The following METTL15 variants were observed in gnomAD, a reference collection of about 807,000 sequenced individuals.
The protein encoded by METTL15 is methyltransferase 15, mitochondrial 12S rRNA N4-cytidine.
In METTL15, 34 loss-of-function variants were observed where a neutral mutation model predicts 38.3. The ratio of observed to expected loss-of-function variants is 0.89; its 90% confidence interval spans 0.68 to 1.18. The LOEUF is 1.18. Ranked by LOEUF, METTL15 falls within the 50% of genes most tolerant of loss-of-function variation. The probability of loss-of-function intolerance (pLI) is 0.00; values close to 1 mark genes in which losing one functional copy is unlikely to be tolerated. For synonymous variants in METTL15, 162 were observed against 170.9 expected, an observed-to-expected ratio of 0.95 and a Z score of 0.41; for missense variants, 438 against 498.4, an observed-to-expected ratio of 0.88 and a Z score of 1.15.
At chr11:28,194,915 A>G (rs1438306316) in intron 3 of METTL15, among the ~76,000 whole-genome samples, 1 of 151,710 alleles carries the variant, frequency 6.6e-6, no homozygotes, top group Non-Finnish European at 1.5e-5. Context: ...TTATGCACCC[A>G]TAGCTTAGCT....
chr11:28,297,914 T>G (rs1565234692), intron 6 of METTL15, among the ~76,000 whole-genome samples: 1 of 152,120 alleles, frequency 6.6e-6, no homozygotes, highest in East Asian at 1.9e-4. Flanking sequence ...AAGTAAAACT[T>G]AATTATAAAT....
chr11:28,410,532 T>G (rs1173883895), intron 5 of METTL15: 1 of 152,138 alleles, frequency 6.6e-6, no homozygotes. Context: ...CTTGATCATC[T>G]CAATTGACTC....
At chr11:28,395,513 G>T (rs1850558652) in intron 5 of METTL15, among the ~76,000 whole-genome samples, 1 of 152,008 alleles carries the variant, frequency 6.6e-6, no homozygotes, top group Non-Finnish European at 1.5e-5. Context: ...AGAAGAAATG[G>T]TTAAATTCCT....
At chr11:28,482,021 A>C (rs923944423) in intron 6 of METTL15, among the ~76,000 whole-genome samples, 3 of 152,098 alleles carry the variant, frequency 2.0e-5, no homozygotes, top group African/African-American at 4.8e-5. Flanking sequence ...CCTTGTCTGC[A>C]AACTCTCTCA....
chr11:28,389,204 G>T (rs1850474732), intron 5 of METTL15, among the ~76,000 whole-genome samples: 1 of 148,024 alleles, frequency 6.8e-6, no homozygotes, highest in Non-Finnish European at 1.5e-5. Context: ...CCCAATAATG[G>T]GATGGCTGGG....
chr11:28,353,750 C>A (rs976549639), intron 4 of METTL15, among the ~76,000 whole-genome samples: 1 of 151,274 alleles, frequency 6.6e-6, no homozygotes, highest in South Asian at 2.1e-4. Context: ...AAGGTGAAAC[C>A]CCGTCTCTAC....
the METTL15 span, among the ~76,000 whole-genome samples, chr11:28,532,050 T>C: frequency 2.6e-5 from 4 of 152,216 alleles, no homozygotes; most frequent in East Asian, 7.7e-4. Flanking sequence ...TAAAACTATA[T>C]TGTTGCATGT....
At chr11:28,413,899 A>G (rs1850750152) in intron 5 of METTL15, among the ~76,000 whole-genome samples, 1 of 152,202 alleles carries the variant, frequency 6.6e-6, no homozygotes, top group African/African-American at 2.4e-5. Flanking sequence ...CAGATTTTCT[A>G]GAATTTATGT....
At chr11:28,109,921 T>G (rs561453138) in intron 1 of METTL15, among the ~76,000 whole-genome samples, 34 of 152,354 alleles carry the variant, frequency 2.2e-4, no homozygotes, top group Admixed American at 1.4e-3. Context: ...TGTGCCACCT[T>G]GCTCCTTGTA....
At chr11:28,139,376 G>T (rs1032146053) in intron 3 of METTL15, among the ~76,000 whole-genome samples, 1 of 152,078 alleles carries the variant, frequency 6.6e-6, no homozygotes, top group African/African-American at 2.4e-5. Flanking sequence ...TTTTCTCCCA[G>T]GGAATAACCG....
Position 28,332,816 on chromosome 11 carries a change from G to A in METTL15, c.*1975G>A, listed in dbSNP as rs560987794. 2.0e-5 allele frequency: 3 copies of A among 152,122 alleles called. No homozygotes were observed. The highest frequency in any genetic ancestry group is 6.6e-5 in the Admixed American group (1 of 15,264). The allele number at this position is 152,122 out of a possible 1,614,324, so 9.4% of individuals were successfully genotyped here. The stretch of plus-strand genomic sequence containing the variant: ...CTAAAAATAAAATTAGCCATGCGTG[G>A]TGCTTGTAATGTCAGCTACCCAGGA... On this transcript the variant is annotated 3_prime_UTR_variant, in exon 7 of 7. Transcript: ENST00000407364.
intron 4 of METTL15, among the ~76,000 whole-genome samples, chr11:28,361,755 G>A (rs1164083118): frequency 2.6e-5 from 4 of 151,908 alleles, no homozygotes; most frequent in African/African-American, 9.7e-5. Context: ...ACCATTCATG[G>A]ATCCCAAGAG....
the METTL15 span, among the ~76,000 whole-genome samples, chr11:28,532,132 T>A: frequency 2.0e-5 from 3 of 152,112 alleles, no homozygotes; most frequent in Admixed American, 1.3e-4. Context: ...ATTTGTTGGA[T>A]GAAACCATCT....
chr11:28,257,706 A>C (rs1339441945), intron 4 of METTL15, among the ~76,000 whole-genome samples: 1 of 152,020 alleles, frequency 6.6e-6, no homozygotes, highest in African/African-American at 2.4e-5. Context: ...TGCCAATTGC[A>C]TTTTTCAGCT....
intron 4 of METTL15, among the ~76,000 whole-genome samples, chr11:28,361,051 A>C (rs376918891): frequency 6.6e-6 from 1 of 151,572 alleles, no homozygotes; most frequent in Non-Finnish European, 1.5e-5. Flanking sequence ...TCTTAATCCA[A>C]TCTATCATTG....
At position 28,211,105 on chromosome 11, in the gene METTL15, C is replaced by G. The variant is rs746913163; in HGVS notation, c.314C>G (p.Ala105Gly). The G allele has an allele frequency of 6.2e-7, 1 of 1,611,858 alleles. No homozygotes were observed. The highest frequency in any genetic ancestry group is 1.1e-5 in the South Asian group (1 of 90,858). Residue 105 changes from alanine (A) to glycine (G), a missense_variant, in exon 4 of 7, where the codon GCC (alanine) becomes GGC (glycine). Coordinates refer to ENST00000407364, the MANE Select transcript of METTL15 (RefSeq NM_001113528.2). ...TTTGGTTCGGGAGGGCACACAAAAG[C>G]CATTCTGCAGAAGGAGTCAGATATT... is the stretch of plus-strand genomic sequence containing the variant. Reference protein sequence around the residue: ...MTFGSGGHTKAILQKESDIVL... With the variant: ...MTFGSGGHTKGILQKESDIVL...
At chr11:28,277,874 A>G (rs1412501909) in intron 4 of METTL15, among the ~76,000 whole-genome samples, 1 of 152,184 alleles carries the variant, frequency 6.6e-6, no homozygotes, top group Non-Finnish European at 1.5e-5. Flanking sequence ...GAGTGGAAAG[A>G]TAACAGAGAC....
At chr11:28,236,800 T>G (rs560893401) in intron 4 of METTL15, among the ~76,000 whole-genome samples, 1 of 152,308 alleles carries the variant, frequency 6.6e-6, no homozygotes, top group Admixed American at 6.5e-5. Context: ...AGGCCTGGTG[T>G]TGACAAAATC....
At chr11:28,427,343 A>G (rs2133426354) in intron 6 of METTL15, among the ~76,000 whole-genome samples, 2 of 152,176 alleles carry the variant, frequency 1.3e-5, no homozygotes, top group Non-Finnish European at 1.5e-5. Context: ...GTAGCCTTGT[A>G]GTATAGTTTG....
Sources: gnomAD v4.1 joint callset for allele counts (sites outside exome capture counted in the v4.1 genomes callset) on GRCh38, gnomAD v4.1.1 for gene constraint, MANE v1.5 for transcripts, NCBI Gene and HGNC (gene_info 2026-07-23, HGNC 2026-07-21) for gene names.